The following SORCS1 variants were observed in gnomAD, a reference collection of about 807,000 sequenced individuals.
SORCS1 encodes the protein VPS10 domain-containing receptor SorCS1.
A neutral mutation model predicts 146.1 loss-of-function variants in SORCS1; 60 were observed. The observed-to-expected ratio is 0.41, with a 90% CI of 0.33 to 0.51. The LOEUF is 0.51. Among genes scored for constraint, SORCS1 ranks in the 20% least tolerant of loss-of-function variants. The probability of loss-of-function intolerance (pLI) is 0.21; values close to 1 mark genes in which losing one functional copy is unlikely to be tolerated. For synonymous variants in SORCS1, 637 were observed against 584.0 expected (o/e 1.09, Z -1.31); for missense variants, 1,352 against 1,487.6 (o/e 0.91, Z 1.50).
chr10:106,976,017 G>T (rs568910249), intron 1 of SORCS1, among the ~76,000 whole-genome samples: 2 of 151,358 alleles, frequency 1.3e-5, no homozygotes, highest in Non-Finnish European at 2.9e-5. Context: ...CAGTGGTGGC[G>T]CACCTGTAAT....
the SORCS1 span, among the ~76,000 whole-genome samples, chr10:107,178,126 T>C: frequency 2.6e-5 from 4 of 152,256 alleles, no homozygotes; most frequent in Non-Finnish European, 5.9e-5. Flanking sequence ...GTAACAAACC[T>C]GCACATCCTG....
intron 1 of SORCS1, among the ~76,000 whole-genome samples, chr10:107,024,099 C>A (rs71475436): frequency 0.097 from 14,536 of 149,192 alleles, 1,572 homozygotes; most frequent in African/African-American, 0.27. Context: ...GCTTGAATCC[C>A]GGAGGTGGAG....
intron 1 of SORCS1, among the ~76,000 whole-genome samples, chr10:107,147,969 T>A (rs1590240342): frequency 6.6e-6 from 1 of 152,238 alleles, no homozygotes; most frequent in South Asian, 2.1e-4. Flanking sequence ...GGAGGTGATA[T>A]CCAAATGAGG....
intron 1 of SORCS1, among the ~76,000 whole-genome samples, chr10:107,027,298 G>C (rs987063089): frequency 6.6e-6 from 1 of 151,798 alleles, no homozygotes; most frequent in African/African-American, 2.4e-5. Flanking sequence ...ATGTTGTTAG[G>C]GGCTGACTGA....
the SORCS1 span, among the ~76,000 whole-genome samples, chr10:107,174,547 T>C: frequency 6.6e-6 from 1 of 152,152 alleles, no homozygotes; most frequent in South Asian, 2.1e-4. Context: ...CTTAAGGTAT[T>C]TGGTGGCATT....
intron 4 of SORCS1, among the ~76,000 whole-genome samples, chr10:106,765,782 G>A (rs1029522576): frequency 6.6e-6 from 1 of 151,784 alleles, no homozygotes; most frequent in Non-Finnish European, 1.5e-5. Flanking sequence ...TACTAGATAA[G>A]AAATTCAACT....
At chr10:106,862,792 A>G (rs1950071244) in intron 2 of SORCS1, among the ~76,000 whole-genome samples, 1 of 150,518 alleles carries the variant, frequency 6.6e-6, no homozygotes, top group African/African-American at 2.4e-5. Flanking sequence ...AAAAAAAAAA[A>G]AAAAAAAAAA....
chr10:106,613,990 C>T (rs1847185751), intron 21 of SORCS1, among the ~76,000 whole-genome samples: 1 of 152,084 alleles, frequency 6.6e-6, no homozygotes, highest in East Asian at 1.9e-4. Context: ...TTCCACCATC[C>T]CATGCACCCT....
intron 4 of SORCS1, among the ~76,000 whole-genome samples, chr10:106,776,244 T>G (rs1267614416): frequency 2.6e-5 from 4 of 152,206 alleles, no homozygotes; most frequent in Admixed American, 2.6e-4. Flanking sequence ...TCCAATTCAG[T>G]GGGGGTCAGA....
intron 1 of SORCS1, among the ~76,000 whole-genome samples, chr10:107,000,082 C>T (rs1219396359): frequency 6.6e-6 from 1 of 152,110 alleles, no homozygotes; most frequent in Non-Finnish European, 1.5e-5. Flanking sequence ...AACTGTACTC[C>T]CAGTGACACC....
intron 1 of SORCS1, among the ~76,000 whole-genome samples, chr10:107,051,168 A>C (rs1960072272): frequency 6.6e-6 from 1 of 152,170 alleles, no homozygotes; most frequent in South Asian, 2.1e-4. Context: ...ATGGCAGCAC[A>C]CAAGTAAATA....
intron 21 of SORCS1, 107 bp from the exon 22 acceptor site, chr10:106,612,130 C>T (rs1194986551): frequency 9.2e-6 from 7 of 759,262 alleles, no homozygotes; most frequent in Non-Finnish European, 1.5e-5. Flanking sequence ...CCTTCACTTA[C>T]CATAGGGACC....
intron 3 of SORCS1, among the ~76,000 whole-genome samples, chr10:106,785,284 G>A (rs77541389): frequency 0.045 from 6,795 of 152,202 alleles, 212 homozygotes; most frequent in Non-Finnish European, 0.067. Flanking sequence ...AACCAGACTC[G>A]CTATCACCTG....
rs370234577 is a variant in SORCS1 at position 106,772,470 on chromosome 10, A to ATC, written c.885+4062_885+4063dup. ...AATCAATCAATCAATCAATCAATCA[A>ATC]TCTCTCTCTCTCTCTCTCTCCCCTC... On this transcript the variant is annotated intron_variant, in intron 4 of 25. Coordinates refer to ENST00000263054, the MANE Select transcript of SORCS1 (RefSeq NM_052918.5). 5.0e-4 allele frequency among the ~76,000 whole-genome samples: 64 copies of ATC among 127,596 alleles called. 1 individual carries two copies. Among genetic ancestry groups the ATC allele is most frequent in the Middle Eastern group, 4.6e-3 (1 of 218 alleles). 83.7% of individuals were successfully genotyped at this position (127,596 alleles called of 152,430 possible). A position where few individuals can be genotyped will look rare whatever the true frequency, so the allele number is the denominator to read the frequency against.
intron 6 of SORCS1, among the ~76,000 whole-genome samples, chr10:106,713,769 T>G (rs1292978576): frequency 1.3e-5 from 2 of 152,348 alleles, no homozygotes; most frequent in Middle Eastern, 3.4e-3. Context: ...TCTAGTATAC[T>G]GTGTTGCATG....
chr10:106,664,198 A>C (rs2135402750), intron 17 of SORCS1, among the ~76,000 whole-genome samples: 1 of 152,352 alleles, frequency 6.6e-6, no homozygotes, highest in South Asian at 2.1e-4. Flanking sequence ...AACTGCATTG[A>C]CCAACATTTA....
At chr10:106,890,658 T>C (rs1951192985) in intron 2 of SORCS1, among the ~76,000 whole-genome samples, 1 of 152,168 alleles carries the variant, frequency 6.6e-6, no homozygotes, top group East Asian at 1.9e-4. Context: ...GGGACTCGTC[T>C]CAATTCTTAA....
intron 1 of SORCS1, among the ~76,000 whole-genome samples, chr10:107,008,733 C>T (rs764008965): frequency 9.8e-5 from 15 of 152,308 alleles, no homozygotes; most frequent in Middle Eastern, 3.4e-3. Context: ...TGCGGTGGCT[C>T]ATGCCTGTAA....
chr10:107,097,483 G>A (rs368350392), intron 1 of SORCS1, among the ~76,000 whole-genome samples: 4 of 152,214 alleles, frequency 2.6e-5, no homozygotes, highest in East Asian at 1.9e-4. Context: ...GGCCTGCAAG[G>A]TGCCTGTTTG....
Sources: allele counts gnomAD v4.1 joint callset (sites outside exome capture counted in the v4.1 genomes callset), GRCh38; gene constraint gnomAD v4.1.1; transcripts MANE v1.5; gene names NCBI Gene and HGNC (gene_info 2026-07-23, HGNC 2026-07-21).